Variants in MCF2L2 observed in about 807,000 individuals in gnomAD.
The protein encoded by MCF2L2 is probable guanine nucleotide exchange factor MCF2L2.
Under a neutral mutation model 150.2 loss-of-function variants are expected in MCF2L2, and 102 were observed. The ratio of observed to expected loss-of-function variants is 0.68; its 90% CI spans 0.58 to 0.80. The LOEUF (loss-of-function observed/expected upper bound fraction) is 0.80, where lower values mean the gene tolerates loss of function less well. MCF2L2 is among the 30% of genes least tolerant of loss of function. MCF2L2 has a pLI of 0.00. For synonymous variants in MCF2L2, 465 were observed against 491.3 expected (o/e 0.95, Z 0.71); for missense variants, 1,256 against 1,372.8 (o/e 0.91, Z 1.34).
intron 1 of MCF2L2, among the ~76,000 whole-genome samples, chr3:183,397,247 G>A (rs1305164204): frequency 6.6e-6 from 1 of 152,196 alleles, no homozygotes; most frequent in African/African-American, 2.4e-5. Context: ...TGGTTCTGGA[G>A]ACTGGGAAGT....
chr3:183,225,968 A>G (rs1723326679), intron 18 of MCF2L2: 1 of 152,240 alleles, frequency 6.6e-6, no homozygotes, highest in South Asian at 2.1e-4. Flanking sequence ...CCAACATGAT[A>G]AATCGGGTTT....
intron 5 of MCF2L2, among the ~76,000 whole-genome samples, chr3:183,329,371 G>A (rs1249505717): frequency 6.6e-6 from 1 of 152,080 alleles, no homozygotes; most frequent in African/African-American, 2.4e-5. Context: ...ATTTTTAGTA[G>A]AGACGGGGTT....
At position 183,427,895 on chromosome 3, in the gene MCF2L2, C is replaced by CTA; in HGVS notation, c.76+6_76+7insTA. 1 of 1,613,366 alleles carries CTA rather than the reference C, an allele frequency of 6.2e-7. No homozygotes were observed. Among genetic ancestry groups the CTA allele is most frequent in the Non-Finnish European group, 8.5e-7 (1 of 1,179,306 alleles). On this transcript the variant is annotated splice_region_variant and intron_variant, in intron 1 of 29. Transcript: ENST00000328913. ...TAAAACGCAGGAAAAATTAAAGCTT[C>CTA]GTTTACCGACATGAGTGATCACTGT...
intron 1 of MCF2L2, among the ~76,000 whole-genome samples, chr3:183,409,305 CTT>C (rs1715200269): frequency 6.6e-6 from 1 of 152,090 alleles, no homozygotes; most frequent in African/African-American, 2.4e-5. Flanking sequence ...TTATATATCA[CTT>C]TGTCATGGGA....
At position 183,305,706 on chromosome 3, in the gene MCF2L2, G is replaced by A. The variant is rs1051754958; in HGVS notation, c.1113+4010C>T. Among the ~76,000 whole-genome samples the A allele has an allele frequency of 3.7e-4, 57 of 152,066 alleles. 1 individual carries two copies. The highest frequency in any genetic ancestry group is 8.7e-4 in the African/African-American group (36 of 41,422). On this transcript the variant is annotated intron_variant, in intron 10 of 29. Coordinates refer to ENST00000328913, the MANE Select transcript of MCF2L2 (RefSeq NM_015078.4). This position sits in a 1 kb window ranked among gnomAD's most constrained non-coding sequence, Gnocchi z 4.1. ...TCTACTAAAAATACAAAAATTAGCCGGGTGTGGTGGAGGGTACCTGTAGTC... is the reference window on the plus strand; with the variant it reads ...TCTACTAAAAATACAAAAATTAGCCAGGTGTGGTGGAGGGTACCTGTAGTC...
At chr3:183,326,545 C>T (rs922978288) in intron 5 of MCF2L2, among the ~76,000 whole-genome samples, 13 of 149,024 alleles carry the variant, frequency 8.7e-5, no homozygotes, top group African/African-American at 2.7e-4. Flanking sequence ...CCTTTTTATC[C>T]TGTGAAGTAA....
At chr3:183,186,476 A>G (rs1353119981) in intron 27 of MCF2L2, among the ~76,000 whole-genome samples, 1 of 152,200 alleles carries the variant, frequency 6.6e-6, no homozygotes. Context: ...TGTAAATCTC[A>G]GCACTTTGGG....
intron 15 of MCF2L2, chr3:183,269,366 A>C (rs1726507930): frequency 6.3e-6 from 1 of 158,488 alleles, no homozygotes; most frequent in Non-Finnish European, 1.4e-5. Context: ...TCTGCTAAGT[A>C]CTAACTACCT....
chr3:183,255,788 C>T (rs534464708), intron 15 of MCF2L2, among the ~76,000 whole-genome samples: 4 of 147,762 alleles, frequency 2.7e-5, no homozygotes, highest in Non-Finnish European at 6.0e-5. Flanking sequence ...TCATAAAAGA[C>T]ATTCAAATGG....
intron 27 of MCF2L2, among the ~76,000 whole-genome samples, chr3:183,186,501 G>A (rs962991908): frequency 1.3e-5 from 2 of 152,178 alleles, no homozygotes; most frequent in Admixed American, 6.5e-5. Context: ...CGAGGCAAGC[G>A]GATCACCTGA....
intron 1 of MCF2L2, among the ~76,000 whole-genome samples, chr3:183,425,670 C>G (rs920143189): frequency 1.3e-5 from 2 of 152,122 alleles, no homozygotes; most frequent in South Asian, 4.1e-4. Context: ...CACTCACTCC[C>G]CCTGAAACCT....
At chr3:183,361,368 T>G (rs942554924) in intron 3 of MCF2L2, among the ~76,000 whole-genome samples, 1 of 152,216 alleles carries the variant, frequency 6.6e-6, no homozygotes, top group African/African-American at 2.4e-5. Context: ...CTAAATCTCA[T>G]GTGGAATTGT....
At chr3:183,245,761 G>A (rs1015546273) in intron 15 of MCF2L2, among the ~76,000 whole-genome samples, 23 of 152,156 alleles carry the variant, frequency 1.5e-4, no homozygotes, top group Admixed American at 1.2e-3. Flanking sequence ...AGACCCATAC[G>A]AGGATCATAT....
chr3:183,306,302 T>C (rs1464014392), intron 10 of MCF2L2, among the ~76,000 whole-genome samples: 1 of 151,972 alleles, frequency 6.6e-6, no homozygotes, highest in African/African-American at 2.4e-5. Flanking sequence ...TACCTCCCAC[T>C]CAGGATAAAT....
At chr3:183,180,242 G>C (rs1721471738) in intron 27 of MCF2L2, 83 bp from the exon 28 acceptor site, 1 of 859,374 alleles carries the variant, frequency 1.2e-6, no homozygotes, top group African/African-American at 1.7e-5. Context: ...AGCAGGCAGT[G>C]CCTGTTGCAG....
chr3:183,309,874 A>G (rs1460658002), intron 9 of MCF2L2, 39 bp from the exon 10 acceptor site: 3 of 1,609,342 alleles, frequency 1.9e-6, no homozygotes, highest in South Asian at 2.2e-5. Context: ...GTAAACCAAC[A>G]CTCACTCACC....
rs377266462 is a variant in MCF2L2 at position 183,354,193 on chromosome 3, A to T, written c.276-12563T>A. ...CAATAAGATGCCAAGTTCCAACCTGACTCTAGTACAGCGTCACATGACAGC... is the reference window on the plus strand; with the variant it reads ...CAATAAGATGCCAAGTTCCAACCTGTCTCTAGTACAGCGTCACATGACAGC... On this transcript the variant is annotated intron_variant, in intron 3 of 29. Coordinates refer to ENST00000328913, the MANE Select transcript of MCF2L2 (RefSeq NM_015078.4). 7.9e-5 allele frequency among the ~76,000 whole-genome samples: 12 copies of T among 152,260 alleles called. No individual in the cohort carries two copies. The East Asian group carries it at 9.6e-4, about 12-fold the overall frequency.
intron 18 of MCF2L2, chr3:183,224,431 G>T: frequency 2.4e-6 from 1 of 415,198 alleles, no homozygotes; most frequent in South Asian, 4.3e-5. Flanking sequence ...CATCTACAAG[G>T]GCTATTGGTA....
Position 183,179,415 on chromosome 3 carries a change from C to A in MCF2L2, c.3310G>T (p.Ala1104Ser), listed in dbSNP as rs1178498883. The A allele has an allele frequency of 6.4e-7, 1 of 1,566,602 alleles. No homozygotes were observed. The highest frequency in any genetic ancestry group is 8.7e-7 in the Non-Finnish European group (1 of 1,155,328). ...AGATAGFQAR[A>S]LRPRTSAQES ...TGGGCGGAGGTCCTCGGGCGCAGCG[C>A]CCTCGCCTGGAAACCAGCCGTCGCC... The change falls in exon 30 of 30, where the codon GCG becomes TCG. Residue 1104 changes from alanine to serine, a missense_variant. Coordinates refer to ENST00000328913, the MANE Select transcript of MCF2L2 (RefSeq NM_015078.4). This position sits in a 1 kb window ranked among gnomAD's most constrained non-coding sequence, Gnocchi z 4.2.
Sources: gnomAD v4.1 joint callset for allele counts (sites outside exome capture counted in the v4.1 genomes callset) on GRCh38, gnomAD v4.1.1 for gene constraint, Gnocchi (gnomAD v3.1) non-coding constraint, MANE v1.5 for transcripts, NCBI Gene and HGNC (gene_info 2026-07-23, HGNC 2026-07-21) for gene names.